IQSEC1: variants seen among roughly 807,000 people sequenced by gnomAD.
IQSEC1 encodes IQ motif and Sec7 domain ArfGEF 1, also known as IQ motif and SEC7 domain-containing protein 1.
IQSEC1 carries 31 observed loss-of-function variants against 91.0 expected under a neutral mutation model. That is an observed-to-expected ratio of 0.34 (90% CI 0.26 to 0.46). The LOEUF (loss-of-function observed/expected upper bound fraction) is 0.46, where lower values mean the gene tolerates loss of function less well. Among genes scored for constraint, IQSEC1 ranks in the 20% least tolerant of loss-of-function variants. The pLI, the probability that IQSEC1 is intolerant of heterozygous loss-of-function variation, is 1.00. For missense variants in IQSEC1, 1,388 were observed against 1,575.6 expected, an observed-to-expected ratio of 0.88 and a Z score of 2.02; for synonymous variants, 699 against 662.6, an observed-to-expected ratio of 1.05 and a Z score of -0.84.
intron 1 of IQSEC1, among the ~76,000 whole-genome samples, chr3:13,040,330 C>T (rs971314765): frequency 6.6e-6 from 1 of 152,224 alleles, no homozygotes; most frequent in Non-Finnish European, 1.5e-5. Flanking sequence ...TGTTTATACC[C>T]CATTCTTAAC....
rs376489101 is a variant in IQSEC1, at chr3:13,186,126, G to A, written c.273-21993C>T. On this transcript the variant is annotated intron_variant, in intron 1 of 15. Coordinates refer to the IQSEC1 transcript ENST00000648114. ...TGTTCTCGTCCCACATGGAGCAGGG[G>A]CAATCATTAAAGCTGCTGTCTATAT... is the stretch of plus-strand genomic sequence containing the variant. Among the ~76,000 whole-genome samples, 29 of 152,326 alleles carry A rather than the reference G, an allele frequency of 1.9e-4. 1 individual carries two copies. In the East Asian group the frequency reaches 4.6e-3, roughly 24 times the overall value.
chr3:13,074,830 A>G (rs1705537329), upstream of IQSEC1, among the ~76,000 whole-genome samples: 1 of 152,204 alleles, frequency 6.6e-6, no homozygotes, highest in African/African-American at 2.4e-5. Context: ...GTGATGCTGC[A>G]TCCTTGAGTT....
intron 2 of IQSEC1, among the ~76,000 whole-genome samples, chr3:13,141,089 C>A (rs191211386): frequency 1.3e-5 from 2 of 152,346 alleles, no homozygotes; most frequent in African/African-American, 4.8e-5. Context: ...TTATTTCCTA[C>A]GAGCACGGAA....
intron 4 of IQSEC1, among the ~76,000 whole-genome samples, chr3:12,923,152 A>G (rs909863564): frequency 1.3e-5 from 2 of 152,190 alleles, no homozygotes; most frequent in African/African-American, 4.8e-5. Context: ...GCTGAGCAGC[A>G]GGAGCAGCGG....
intron 1 of IQSEC1, among the ~76,000 whole-genome samples, chr3:13,235,663 G>A (rs1024137036): frequency 1.1e-4 from 16 of 152,276 alleles, no homozygotes; most frequent in South Asian, 2.1e-4. Flanking sequence ...CAGGTGGCCC[G>A]GGCGGAGGAA....
intron 2 of IQSEC1, among the ~76,000 whole-genome samples, chr3:13,089,904 T>C (rs1705807562): frequency 6.6e-6 from 1 of 152,218 alleles, no homozygotes; most frequent in South Asian, 2.1e-4. Context: ...AGCATTGAAT[T>C]GTACACTTTT....
At chr3:13,267,352 T>C (rs1695509434) in intron 1 of IQSEC1, among the ~76,000 whole-genome samples, 1 of 152,208 alleles carries the variant, frequency 6.6e-6, no homozygotes. Context: ...TATGGCAGCC[T>C]GAACAGCCGA....
At chr3:12,920,799 G>A (rs780071011) in intron 5 of IQSEC1, among the ~76,000 whole-genome samples, 7 of 152,186 alleles carry the variant, frequency 4.6e-5, no homozygotes, top group East Asian at 1.9e-4. Flanking sequence ...GATTTTAGCC[G>A]GGCACATGGC....
At chr3:13,173,802 C>A (rs966293993) in intron 1 of IQSEC1, among the ~76,000 whole-genome samples, 5 of 152,208 alleles carry the variant, frequency 3.3e-5, no homozygotes, top group African/African-American at 1.2e-4. Context: ...GTGGCCTGGG[C>A]ACCCACAGCA....
intron 3 of IQSEC1, among the ~76,000 whole-genome samples, chr3:12,929,861 G>C (rs557590611): frequency 1.3e-5 from 2 of 152,312 alleles, no homozygotes; most frequent in Admixed American, 1.3e-4. Context: ...CTCCATCCCT[G>C]CTGTGTGCTC....
chr3:13,095,370 G>C (rs548187170), intron 2 of IQSEC1, among the ~76,000 whole-genome samples: 1 of 152,250 alleles, frequency 6.6e-6, no homozygotes, highest in African/African-American at 2.4e-5. Context: ...GTGGGGCCCA[G>C]CCATCTGGGA....
intron 1 of IQSEC1, among the ~76,000 whole-genome samples, chr3:13,196,892 AG>A (rs746821926): frequency 6.6e-6 from 1 of 152,014 alleles, no homozygotes; most frequent in African/African-American, 2.4e-5. Flanking sequence ...GTCCCAAGTC[AG>A]GGGGAGCAGG....
chr3:13,207,546 G>A lies in IQSEC1; in HGVS notation c.273-43413C>T, dbSNP rs374209714. Among the ~76,000 whole-genome samples the A allele has an allele frequency of 9.2e-5, 14 of 152,180 alleles. No homozygotes were observed. The East Asian group carries it at 2.3e-3, about 25-fold the overall frequency. On this transcript the variant is annotated intron_variant, in intron 1 of 15. Coordinates refer to the IQSEC1 transcript ENST00000648114. This position sits in a 1 kb window ranked among gnomAD's most constrained non-coding sequence, Gnocchi z 4.8. Reference sequence around the variant, plus strand: ...CCAGTGGGTTCCCTTCGTACTCCACGCCAGTTCCCATTCGCAGCCCAGTCA... The same window carrying A: ...CCAGTGGGTTCCCTTCGTACTCCACACCAGTTCCCATTCGCAGCCCAGTCA...
intron 1 of IQSEC1, among the ~76,000 whole-genome samples, chr3:13,049,075 G>A (rs146537511): frequency 3.3e-5 from 5 of 152,276 alleles, no homozygotes; most frequent in African/African-American, 1.2e-4. Flanking sequence ...TTTTATAGGA[G>A]GGAGAGCTAG....
chr3:13,099,656 C>T (rs1257756759), intron 2 of IQSEC1, among the ~76,000 whole-genome samples: 1 of 152,220 alleles, frequency 6.6e-6, no homozygotes, highest in East Asian at 1.9e-4. Context: ...CTCCTTCATT[C>T]TGGGTTTTAG....
At chr3:13,191,792 G>T (rs781668734) in intron 1 of IQSEC1, among the ~76,000 whole-genome samples, 4 of 152,176 alleles carry the variant, frequency 2.6e-5, no homozygotes, top group Non-Finnish European at 5.9e-5. Flanking sequence ...ACCATCTGTG[G>T]AGGTTTTGCA....
intron 1 of IQSEC1, among the ~76,000 whole-genome samples, chr3:12,975,272 G>A (rs1042497841): frequency 4.6e-5 from 7 of 152,212 alleles, no homozygotes; most frequent in South Asian, 2.1e-4. Flanking sequence ...CATTGGCTGC[G>A]TCCCATAGTG....
intron 4 of IQSEC1, among the ~76,000 whole-genome samples, chr3:12,923,717 G>C (rs1441390284): frequency 1.3e-5 from 2 of 152,206 alleles, no homozygotes; most frequent in Non-Finnish European, 2.9e-5. Context: ...AGGCGTACTG[G>C]CCAGCCCCAG....
chr3:12,959,590 A>G (rs567773908), intron 1 of IQSEC1, among the ~76,000 whole-genome samples: 10 of 152,316 alleles, frequency 6.6e-5, no homozygotes, highest in African/African-American at 2.4e-4. Context: ...TCAAGCTCAG[A>G]GTTCCCGAGT....
Sources: gnomAD v4.1 joint callset for allele counts (sites outside exome capture counted in the v4.1 genomes callset) on GRCh38, gnomAD v4.1.1 for gene constraint, Gnocchi (gnomAD v3.1) non-coding constraint, MANE v1.5 for transcripts, NCBI Gene and HGNC (gene_info 2026-07-23, HGNC 2026-07-21) for gene names.